The following TBC1D5 variants were observed in gnomAD, a reference collection of about 807,000 sequenced individuals.
The protein encoded by TBC1D5 is TBC1 domain family, member 5.
Under a neutral mutation model 100.3 loss-of-function variants are expected in TBC1D5, and 75 were observed. That is an observed-to-expected ratio of 0.75 (90% CI 0.62 to 0.91). The LOEUF (loss-of-function observed/expected upper bound fraction) is 0.91, where lower values mean the gene tolerates loss of function less well. Among genes scored for constraint, TBC1D5 ranks in the 40% least tolerant of loss-of-function variants. The probability of loss-of-function intolerance (pLI) is 0.00; values close to 1 mark genes in which losing one functional copy is unlikely to be tolerated. For synonymous variants in TBC1D5, 323 were observed against 325.6 expected (o/e 0.99, Z 0.09); for missense variants, 910 against 942.4 (o/e 0.97, Z 0.45).
intron 4 of TBC1D5, among the ~76,000 whole-genome samples, chr3:17,420,055 T>A (rs796521510): frequency 6.6e-6 from 1 of 152,108 alleles, no homozygotes; most frequent in South Asian, 2.1e-4. Flanking sequence ...GTTGCTTCCA[T>A]GTTTTTCTCC....
chr3:17,359,689 T>C (rs1474861915), intron 13 of TBC1D5, among the ~76,000 whole-genome samples: 1 of 152,008 alleles, frequency 6.6e-6, no homozygotes, highest in Non-Finnish European at 1.5e-5. Flanking sequence ...ACACACAATG[T>C]AATCACTAGT....
chr3:17,566,955 T>C (rs1337556100), intron 2 of TBC1D5, among the ~76,000 whole-genome samples: 1 of 151,804 alleles, frequency 6.6e-6, no homozygotes, highest in Non-Finnish European at 1.5e-5. Context: ...GGAATGTCTT[T>C]GATATACATA....
At chr3:17,207,738 GAT>G (rs1171682696) in intron 18 of TBC1D5, among the ~76,000 whole-genome samples, 1 of 152,136 alleles carries the variant, frequency 6.6e-6, no homozygotes, top group African/African-American at 2.4e-5. Context: ...GCTTGTCCAG[GAT>G]ATGTCATACC....
intron 3 of TBC1D5, among the ~76,000 whole-genome samples, chr3:17,506,053 G>A (rs1044708033): frequency 6.6e-6 from 1 of 152,188 alleles, no homozygotes; most frequent in South Asian, 2.1e-4. Context: ...CTAAAGTGCA[G>A]TGTTTAAATA....
chr3:17,406,544 A>T lies in TBC1D5; in HGVS notation c.168-18T>A. ...ATTCTTTCCTATATGAAAGAAACCA[A>T]AGCATGAGAATCCTTTTGTTAAAAT... is the stretch of plus-strand genomic sequence containing the variant. On this transcript the variant is annotated intron_variant, in intron 4 of 21. Coordinates refer to ENST00000253692, the Ensembl canonical transcript of TBC1D5. The T allele has an allele frequency of 6.3e-7, 1 of 1,593,758 alleles. No individual in the cohort carries two copies. Among genetic ancestry groups the T allele is most frequent in the South Asian group, 1.1e-5 (1 of 87,962 alleles).
In TBC1D5 at chr3:17,367,974, C is replaced by T. The variant is rs558269910; in HGVS notation, c.995+4101G>A. The stretch of plus-strand genomic sequence containing the variant: ...TTAATGAAAAACATAATATAAATTA[C>T]CTTTAGGATATATTATTTTATAAAA... On this transcript the variant is annotated intron_variant, in intron 13 of 21. Coordinates refer to ENST00000253692, the Ensembl canonical transcript of TBC1D5. Among the ~76,000 whole-genome samples, 7 of 130,488 alleles carry T rather than the reference C, an allele frequency of 5.4e-5. No homozygotes were observed. The East Asian group carries it at 1.3e-3, about 24-fold the overall frequency. 85.6% of individuals were successfully genotyped at this position (130,488 alleles called of 152,430 possible).
intron 2 of TBC1D5, among the ~76,000 whole-genome samples, chr3:17,612,857 G>A (rs538237250): frequency 1.4e-5 from 2 of 146,746 alleles, no homozygotes; most frequent in South Asian, 4.3e-4. Context: ...GTAACAATTA[G>A]AATACATAAG....
At position 17,677,871 on chromosome 3, in the gene TBC1D5, T is replaced by A. The variant is rs546161704; in HGVS notation, c.-100-53958A>T. 3.9e-5 allele frequency among the ~76,000 whole-genome samples: 6 copies of A among 152,212 alleles called. No individual in the cohort carries two copies. In the East Asian group the frequency reaches 9.7e-4, roughly 25 times the overall value. On this transcript the variant is annotated intron_variant, in intron 1 of 21. Coordinates refer to ENST00000253692, the Ensembl canonical transcript of TBC1D5. Reference sequence around the variant, plus strand: ...GGGACATGGATGAAGCTGGAAACCATCATTCTCAGCAAACTATCACAAGGT... The same window carrying A: ...GGGACATGGATGAAGCTGGAAACCAACATTCTCAGCAAACTATCACAAGGT...
intron 8 of TBC1D5, among the ~76,000 whole-genome samples, chr3:17,384,521 C>T (rs141100812): frequency 1.3e-5 from 2 of 152,022 alleles, no homozygotes; most frequent in East Asian, 1.9e-4. Flanking sequence ...CAGTAAAACA[C>T]CACAACTGCA....
chr3:17,369,318 G>T (rs533776889), intron 13 of TBC1D5, among the ~76,000 whole-genome samples: 17 of 152,184 alleles, frequency 1.1e-4, no homozygotes, highest in Middle Eastern at 6.8e-3. Context: ...TTCTAATTAA[G>T]TAATGGTAAT....
chr3:17,738,806 C>G (rs2077167853), intron 1 of TBC1D5, among the ~76,000 whole-genome samples: 1 of 152,196 alleles, frequency 6.6e-6, no homozygotes, highest in African/African-American at 2.4e-5. Flanking sequence ...TTGGGACAAT[C>G]TTAACCTCTG....
chr3:17,566,995 C>T (rs2153492450), intron 2 of TBC1D5, among the ~76,000 whole-genome samples: 1 of 151,852 alleles, frequency 6.6e-6, no homozygotes, highest in Non-Finnish European at 1.5e-5. Context: ...ATTTTCCTAT[C>T]CTAAATCATA....
At chr3:17,432,844 A>T (rs2094467461) in intron 3 of TBC1D5, among the ~76,000 whole-genome samples, 1 of 152,256 alleles carries the variant, frequency 6.6e-6, no homozygotes, top group Non-Finnish European at 1.5e-5. Flanking sequence ...TGACATCAGC[A>T]AGATGGCAGA....
At chr3:17,472,770 C>CA (rs1176314136) in intron 3 of TBC1D5, among the ~76,000 whole-genome samples, 6 of 152,148 alleles carry the variant, frequency 3.9e-5, no homozygotes, top group Non-Finnish European at 5.9e-5. Context: ...TTAAATATTA[C>CA]AATAAACATC....
intron 2 of TBC1D5, among the ~76,000 whole-genome samples, chr3:17,536,736 G>C (rs1052000068): frequency 2.6e-5 from 4 of 152,134 alleles, no homozygotes; most frequent in Admixed American, 2.6e-4. Flanking sequence ...GGTATACACT[G>C]ATTTACCCCA....
chr3:17,703,852 A>G (rs1577632869), intron 1 of TBC1D5, among the ~76,000 whole-genome samples: 1 of 151,886 alleles, frequency 6.6e-6, no homozygotes, highest in Non-Finnish European at 1.5e-5. Context: ...TGACTCTACA[A>G]TATCTCACTA....
chr3:17,699,329 T>G (rs2072740351), intron 1 of TBC1D5, among the ~76,000 whole-genome samples: 1 of 129,202 alleles, frequency 7.7e-6, no homozygotes, highest in Non-Finnish European at 1.6e-5. Flanking sequence ...CACTCATAGG[T>G]GGGAATTGAA....
chr3:17,412,114 C>T (rs1037379623), intron 4 of TBC1D5, among the ~76,000 whole-genome samples: 1 of 151,926 alleles, frequency 6.6e-6, no homozygotes, highest in African/African-American at 2.4e-5. Flanking sequence ...GATGTGTAAA[C>T]CAATAATAAA....
At chr3:17,702,718 A>G (rs11128848) in intron 1 of TBC1D5, among the ~76,000 whole-genome samples, 86,925 of 151,912 alleles carry the variant, frequency 0.57, 25,731 homozygotes, top group East Asian at 0.99. Context: ...AAAATTTAGC[A>G]AGATTACTTT....
Sources: allele counts gnomAD v4.1 joint callset (sites outside exome capture counted in the v4.1 genomes callset), GRCh38; gene constraint gnomAD v4.1.1; transcripts MANE v1.5; gene names NCBI Gene and HGNC (gene_info 2026-07-23, HGNC 2026-07-21).